Variants in KCNMA1 observed in about 807,000 individuals in gnomAD.
KCNMA1 encodes the protein potassium calcium-activated channel subfamily M alpha 1, also known as Calcium-activated potassium channel subunit alpha-1.
In KCNMA1, 29 loss-of-function variants were observed where a neutral mutation model predicts 140.0. The ratio of observed to expected loss-of-function variants is 0.21; its 90% CI spans 0.15 to 0.28. The LOEUF (loss-of-function observed/expected upper bound fraction) is 0.28, where lower values mean the gene tolerates loss of function less well. Among genes scored for constraint, KCNMA1 ranks in the 10% least tolerant of loss-of-function variants. The probability of loss-of-function intolerance (pLI) is 1.00; values close to 1 mark genes in which losing one functional copy is unlikely to be tolerated. For missense variants in KCNMA1, 880 were observed against 1,602.2 expected (o/e 0.55, Z 7.70); for synonymous variants, 612 against 611.9 (o/e 1.00, Z 0.00).
At chr10:77,078,928 C>T (rs534047380) in intron 13 of KCNMA1, among the ~76,000 whole-genome samples, 4 of 152,194 alleles carry the variant, frequency 2.6e-5, no homozygotes, top group Non-Finnish European at 4.4e-5. Context: ...TGAATCAGTA[C>T]ATGAAGGAGC....
chr10:77,553,053 A>AAAC (rs1268762469), intron 1 of KCNMA1, among the ~76,000 whole-genome samples: 1 of 152,080 alleles, frequency 6.6e-6, no homozygotes, highest in Non-Finnish European at 1.5e-5. Context: ...ACAAAAAACA[A>AAAC]AACAAAACAA....
At chr10:77,147,738 A>G (rs1484747072) in intron 5 of KCNMA1, 1 of 152,222 alleles carries the variant, frequency 6.6e-6, no homozygotes, top group Non-Finnish European at 1.5e-5. Flanking sequence ...ACGCTGACAC[A>G]TGGCCCCAAC....
chr10:77,475,680 T>C (rs4980150), intron 1 of KCNMA1, among the ~76,000 whole-genome samples: 4,788 of 152,234 alleles, frequency 0.031, 283 homozygotes, highest in African/African-American at 0.11. Flanking sequence ...TGTTATCACA[T>C]GGCCTGCAAA....
At position 76,969,978 on chromosome 10, in the gene KCNMA1, T is replaced by C; in HGVS notation, c.2356A>G (p.Met786Val). 1 of 1,612,258 alleles carries C rather than the reference T, an allele frequency of 6.2e-7. No individual in the cohort carries two copies. Among genetic ancestry groups the C allele is most frequent in the Non-Finnish European group, 8.5e-7 (1 of 1,178,970 alleles). ...GCAACCAGCCCCTCTCCTTACCTCA[T>C]CAGCTTAGGCGAGGTGTTGGGTGAG... ...RNSPNTSPKL[M>V]RHDPLLIPGN... Residue 786 changes from methionine (M) to valine (V), a missense_variant, in exon 20 of 28, where the codon ATG (methionine) becomes GTG (valine). Physicochemically the swap from Met to Val is conservative, Grantham distance 21 (BLOSUM62 1). This residue lies in a region of KCNMA1 where 196 missense variants were observed against 233.0 expected (regional missense o/e 0.84). Transcript: ENST00000286628.
intron 23 of KCNMA1, among the ~76,000 whole-genome samples, chr10:76,932,841 T>A (rs1468502728): frequency 6.6e-6 from 1 of 152,214 alleles, no homozygotes; most frequent in African/African-American, 2.4e-5. Flanking sequence ...CATTTCTACA[T>A]GGCCAGGGAA....
intron 13 of KCNMA1, among the ~76,000 whole-genome samples, chr10:77,079,147 G>A (rs539654607): frequency 1.1e-3 from 162 of 152,284 alleles, no homozygotes; most frequent in African/African-American, 3.4e-3. Flanking sequence ...GCGCATGCCT[G>A]TAATCCCAGC....
chr10:77,340,383 A>C (rs2090520728), intron 2 of KCNMA1, among the ~76,000 whole-genome samples: 1 of 152,220 alleles, frequency 6.6e-6, no homozygotes, highest in Non-Finnish European at 1.5e-5. Flanking sequence ...AAGGATTATA[A>C]ATTATGCTGC....
chr10:76,982,311 G>A (rs144915858), intron 19 of KCNMA1, among the ~76,000 whole-genome samples: 1,536 of 146,316 alleles, frequency 0.01, 25 homozygotes, highest in African/African-American at 0.036. Flanking sequence ...TTAAGTCCTA[G>A]AGAGAGAATT....
intron 25 of KCNMA1, among the ~76,000 whole-genome samples, chr10:76,899,308 G>A (rs74621469): frequency 6.6e-6 from 1 of 152,202 alleles, no homozygotes; most frequent in East Asian, 1.9e-4. Context: ...GGAAAGAGTT[G>A]TACAAAATTG....
At chr10:77,610,978 C>T (rs2086646703) in intron 1 of KCNMA1, among the ~76,000 whole-genome samples, 1 of 152,206 alleles carries the variant, frequency 6.6e-6, no homozygotes, top group Admixed American at 6.5e-5. Flanking sequence ...TGGCTTAAGC[C>T]ATGAGCTATG....
intron 3 of KCNMA1, among the ~76,000 whole-genome samples, chr10:77,246,858 T>C (rs2058649651): frequency 6.6e-6 from 1 of 152,224 alleles, no homozygotes; most frequent in African/African-American, 2.4e-5. Context: ...ACAAAATTTG[T>C]GCTGCCATTT....
rs757766830 is a variant in KCNMA1 at position 77,637,260 on chromosome 10, G to T, written c.378+5C>A. The stretch of plus-strand genomic sequence containing the variant: ...CAGAGGGCGGGCGCCCGGGGCGCGC[G>T]TTACCTTCGTCTTGCCCCCGCAGTG... On this transcript the variant is annotated splice_donor_5th_base_variant and intron_variant, in intron 1 of 27. Transcript: ENST00000286628. The T allele has an allele frequency of 1.9e-5, 30 of 1,601,614 alleles. No homozygotes were observed. Among genetic ancestry groups the T allele is most frequent in the Non-Finnish European group, 2.6e-5 (30 of 1,172,288 alleles).
At chr10:77,258,695 G>C (rs1170859768) in intron 2 of KCNMA1, among the ~76,000 whole-genome samples, 1 of 152,158 alleles carries the variant, frequency 6.6e-6, no homozygotes, top group Non-Finnish European at 1.5e-5. Flanking sequence ...AGGTGCGGTG[G>C]CTCATGCCTA....
At chr10:77,318,153 A>G (rs934323138) in intron 2 of KCNMA1, among the ~76,000 whole-genome samples, 2 of 152,230 alleles carry the variant, frequency 1.3e-5, no homozygotes, top group African/African-American at 4.8e-5. Flanking sequence ...CAACTTAGAA[A>G]GGTTATCATT....
At chr10:76,977,914 G>A in intron 19 of KCNMA1, 1 of 420,268 alleles carries the variant, frequency 2.4e-6, no homozygotes, top group Non-Finnish European at 4.3e-6. Context: ...CTGTCAGCGT[G>A]TGCTGCCAGT....
chr10:76,887,894 G>T, intron 27 of KCNMA1: 1 of 291,998 alleles, frequency 3.4e-6, no homozygotes, highest in Admixed American at 4.7e-5. Context: ...GACAATCCCA[G>T]ATATACATCA....
intron 2 of KCNMA1, among the ~76,000 whole-genome samples, chr10:77,266,057 G>T (rs1391275169): frequency 7.0e-6 from 1 of 142,660 alleles, no homozygotes; most frequent in East Asian, 2.0e-4. Flanking sequence ...CTCCAACCTG[G>T]GCAATGAGAG....
chr10:77,251,844 C>T (rs1240721464), intron 2 of KCNMA1, among the ~76,000 whole-genome samples: 1 of 152,146 alleles, frequency 6.6e-6, no homozygotes, highest in African/African-American at 2.4e-5. Context: ...TTCCCATTTC[C>T]AAGCCCCAGA....
chr10:76,969,116 A>G (rs2075097989), intron 20 of KCNMA1, among the ~76,000 whole-genome samples: 1 of 152,122 alleles, frequency 6.6e-6, no homozygotes, highest in Non-Finnish European at 1.5e-5. Flanking sequence ...TTGGCAGATG[A>G]ATTGAAGACA....
Sources: allele counts gnomAD v4.1 joint callset (sites outside exome capture counted in the v4.1 genomes callset), GRCh38; gene constraint gnomAD v4.1.1; regional missense constraint gnomAD v4.1.1; transcripts MANE v1.5; gene names NCBI Gene and HGNC (gene_info 2026-07-23, HGNC 2026-07-21).